KLF12: variants seen among roughly 807,000 people sequenced by gnomAD.
The protein encoded by KLF12 is Krueppel-like factor 12.
Under a neutral mutation model 37.8 loss-of-function variants are expected in KLF12, and 9 were observed. The observed-to-expected ratio is 0.24, with a 90% confidence interval of 0.14 to 0.42. The LOEUF (loss-of-function observed/expected upper bound fraction) is 0.42, where lower values mean the gene tolerates loss of function less well. Ranked by LOEUF, KLF12 falls within the 10% of genes least tolerant of loss-of-function variation. The pLI is 1.00. For synonymous variants in KLF12, 208 were observed against 202.1 expected, an observed-to-expected ratio of 1.03 and a Z score of -0.25; for missense variants, 411 against 516.0, an observed-to-expected ratio of 0.80 and a Z score of 1.97.
chr13:74,258,878 G>A, the KLF12 span: 1 of 152,276 alleles, frequency 6.6e-6, no homozygotes. Context: ...AAGGCTAAGA[G>A]AGTAGAGAAG....
intron 3 of KLF12, among the ~76,000 whole-genome samples, chr13:73,910,514 A>T (rs571562436): frequency 6.6e-6 from 1 of 152,300 alleles, no homozygotes; most frequent in East Asian, 1.9e-4. Flanking sequence ...TGTGAACTAT[A>T]TAGCAATGAA....
intron 1 of KLF12, among the ~76,000 whole-genome samples, chr13:74,060,484 T>TTGTGTG (rs60242793): frequency 0.058 from 6,319 of 108,402 alleles, 181 homozygotes; most frequent in South Asian, 0.077. Flanking sequence ...TACCTAGGTT[T>TTGTGTG]TGTGTGTGTG....
intron 1 of KLF12, among the ~76,000 whole-genome samples, chr13:74,131,518 T>A (rs1406062116): frequency 6.6e-6 from 1 of 152,156 alleles, no homozygotes; most frequent in Non-Finnish European, 1.5e-5. Flanking sequence ...TACTCCCAAA[T>A]GATAGTCATT....
the KLF12 span, among the ~76,000 whole-genome samples, chr13:74,295,471 C>T: frequency 6.6e-6 from 1 of 152,144 alleles, no homozygotes; most frequent in African/African-American, 2.4e-5. Context: ...GCAGAATTTG[C>T]CACTCCTTTT....
chr13:73,765,574 T>G (rs991164460), intron 5 of KLF12, among the ~76,000 whole-genome samples: 1 of 152,116 alleles, frequency 6.6e-6, no homozygotes, highest in African/African-American at 2.4e-5. Context: ...TTGAAGAAAG[T>G]AAAGTCAATT....
chr13:73,801,222 G>C (rs1882263956), intron 5 of KLF12: 1 of 152,040 alleles, frequency 6.6e-6, no homozygotes, highest in South Asian at 2.1e-4. Context: ...TGAGTTTCAA[G>C]TGTGTGAAGA....
At chr13:74,044,998 G>GTAGA (rs1893503138) in intron 1 of KLF12, among the ~76,000 whole-genome samples, 1 of 152,152 alleles carries the variant, frequency 6.6e-6, no homozygotes, top group South Asian at 2.1e-4. Flanking sequence ...TGATAGGTAG[G>GTAGA]TAGATAGATA....
intron 2 of KLF12, among the ~76,000 whole-genome samples, chr13:73,993,953 T>C (rs1380917334): frequency 2.0e-5 from 3 of 152,204 alleles, no homozygotes; most frequent in Non-Finnish European, 4.4e-5. Flanking sequence ...ACTAAGTGAA[T>C]GCACCCACAC....
At chr13:74,107,347 T>G (rs368367254) in intron 1 of KLF12, among the ~76,000 whole-genome samples, 1 of 152,234 alleles carries the variant, frequency 6.6e-6, no homozygotes, top group African/African-American at 2.4e-5. Context: ...AGGGTCCCTA[T>G]GCAATCAATT....
intron 1 of KLF12, among the ~76,000 whole-genome samples, chr13:74,004,254 A>G (rs1335282103): frequency 6.6e-6 from 1 of 152,188 alleles, no homozygotes; most frequent in African/African-American, 2.4e-5. Context: ...TAGTAAAAGT[A>G]GTAGTGGTGA....
chr13:73,964,152 C>A (rs1891107867), intron 2 of KLF12, among the ~76,000 whole-genome samples: 2 of 152,088 alleles, frequency 1.3e-5, no homozygotes, highest in Non-Finnish European at 2.9e-5. Context: ...AAATAGTGGG[C>A]AATGGAAAAG....
the KLF12 span, among the ~76,000 whole-genome samples, chr13:74,245,208 A>G: frequency 2.0e-5 from 3 of 152,166 alleles, no homozygotes; most frequent in Non-Finnish European, 4.4e-5. Context: ...AATTTTGAAC[A>G]TGAACGTTTG....
chr13:73,981,324 TC>T (rs1394003378), intron 2 of KLF12, among the ~76,000 whole-genome samples: 1 of 152,172 alleles, frequency 6.6e-6, no homozygotes, highest in African/African-American at 2.4e-5. Context: ...AAACGACTCT[TC>T]ATAGCAGGTT....
chr13:73,834,562 G>T (rs1421476480), intron 4 of KLF12, among the ~76,000 whole-genome samples: 4 of 152,128 alleles, frequency 2.6e-5, no homozygotes, highest in Non-Finnish European at 5.9e-5. Flanking sequence ...CTACGCCAGG[G>T]TGCAGTGGTA....
intron 4 of KLF12, among the ~76,000 whole-genome samples, chr13:73,836,777 A>T (rs981824696): frequency 6.6e-6 from 1 of 152,226 alleles, no homozygotes; most frequent in African/African-American, 2.4e-5. Context: ...ACTAAATATT[A>T]TCAGAGAAAA....
intron 6 of KLF12, among the ~76,000 whole-genome samples, chr13:73,718,719 C>G (rs1339433151): frequency 6.6e-6 from 1 of 152,104 alleles, no homozygotes; most frequent in Non-Finnish European, 1.5e-5. Context: ...ATGGTGAAAC[C>G]CTGTCTCTAC....
At chr13:73,886,250 G>A (rs891068118) in intron 3 of KLF12, among the ~76,000 whole-genome samples, 7 of 152,154 alleles carry the variant, frequency 4.6e-5, no homozygotes, top group African/African-American at 1.7e-4. Context: ...AAATAGAAGA[G>A]CCAAACGGTT....
intron 1 of KLF12, among the ~76,000 whole-genome samples, chr13:74,133,225 C>G (rs1878358293): frequency 6.6e-6 from 1 of 152,152 alleles, no homozygotes; most frequent in Admixed American, 6.6e-5. Flanking sequence ...CCCCTCCACT[C>G]TCTCCAGCGC....
chr13:74,078,584 T>C (rs1171190664), intron 1 of KLF12, among the ~76,000 whole-genome samples: 1 of 152,214 alleles, frequency 6.6e-6, no homozygotes, highest in African/African-American at 2.4e-5. Context: ...TGTGATGATA[T>C]AGAAATATAT....
Sources: allele counts gnomAD v4.1 joint callset (sites outside exome capture counted in the v4.1 genomes callset), GRCh38; gene constraint gnomAD v4.1.1; transcripts MANE v1.5; gene names NCBI Gene and HGNC (gene_info 2026-07-23, HGNC 2026-07-21).